TNFSF4: variants seen among roughly 807,000 people sequenced by gnomAD.
The protein encoded by TNFSF4 is tumor necrosis factor ligand superfamily member 4.
A neutral mutation model predicts 7.3 loss-of-function variants in TNFSF4; 4 were observed. The observed-to-expected ratio is 0.55, with a 90% CI of 0.27 to 1.25. The LOEUF (loss-of-function observed/expected upper bound fraction) is 1.25. TNFSF4 is among the 50% of genes most tolerant of loss of function. TNFSF4 has a pLI of 0.12. For missense variants in TNFSF4, 181 were observed against 208.8 expected (o/e 0.87, Z 0.82); for synonymous variants, 76 against 83.7 (o/e 0.91, Z 0.50).
chr1:173,365,898 A>G, the TNFSF4 span, among the ~76,000 whole-genome samples: 1 of 152,240 alleles, frequency 6.6e-6, no homozygotes, highest in African/African-American at 2.4e-5. Flanking sequence ...ATTGGTATGC[A>G]TAAGATATGC....
the TNFSF4 span, among the ~76,000 whole-genome samples, chr1:173,388,090 G>C: frequency 6.6e-6 from 1 of 152,196 alleles, no homozygotes; most frequent in Admixed American, 6.5e-5. Flanking sequence ...GATTACATAA[G>C]AGAAAACATC....
At chr1:173,420,648 A>T in the TNFSF4 span, among the ~76,000 whole-genome samples, 1 of 152,248 alleles carries the variant, frequency 6.6e-6, no homozygotes, top group South Asian at 2.1e-4. Flanking sequence ...AAAGAAAAGA[A>T]AGTAAACACT....
the TNFSF4 span, among the ~76,000 whole-genome samples, chr1:173,413,608 G>A: frequency 6.6e-6 from 1 of 152,286 alleles, no homozygotes; most frequent in East Asian, 1.9e-4. Flanking sequence ...GCAGGCCAGT[G>A]TTCACAGGGT....
chr1:173,347,994 G>T, the TNFSF4 span, among the ~76,000 whole-genome samples: 3 of 152,182 alleles, frequency 2.0e-5, no homozygotes, highest in Non-Finnish European at 4.4e-5. Flanking sequence ...CTGGCCTAAG[G>T]TGTAACTTGG....
the TNFSF4 span, among the ~76,000 whole-genome samples, chr1:173,428,984 G>T: frequency 1.3e-5 from 2 of 151,836 alleles, no homozygotes; most frequent in Non-Finnish European, 2.9e-5. Flanking sequence ...TCCAGCCTGG[G>T]TGACAGAGCA....
chr1:173,418,904 C>A, the TNFSF4 span, among the ~76,000 whole-genome samples: 1 of 152,226 alleles, frequency 6.6e-6, no homozygotes, highest in Admixed American at 6.5e-5. Flanking sequence ...ATGTGACCCC[C>A]AAATTTCATG....
chr1:173,436,517 C>T, the TNFSF4 span, among the ~76,000 whole-genome samples: 1 of 152,216 alleles, frequency 6.6e-6, no homozygotes, highest in African/African-American at 2.4e-5. Flanking sequence ...TCAAGCAACT[C>T]TCCTGCCTCA....
chr1:173,199,350 G>A (rs1649843731), intron 1 of TNFSF4, among the ~76,000 whole-genome samples: 1 of 152,212 alleles, frequency 6.6e-6, no homozygotes, highest in Non-Finnish European at 1.5e-5. Context: ...TGGAAATAGG[G>A]TCTTTGTAGA....
At chr1:173,363,135 C>A in the TNFSF4 span, 1 of 328,882 alleles carries the variant, frequency 3.0e-6, no homozygotes, top group East Asian at 8.1e-5. Flanking sequence ...ATTTTTCTTT[C>A]TGCAAGGGCC....
the TNFSF4 span, among the ~76,000 whole-genome samples, chr1:173,306,808 C>T: frequency 6.6e-6 from 1 of 151,888 alleles, no homozygotes; most frequent in African/African-American, 2.4e-5. Flanking sequence ...ATTCAAGCTT[C>T]CTTGTCAGGC....
At chr1:173,230,727 T>C in the TNFSF4 span, among the ~76,000 whole-genome samples, 2 of 151,648 alleles carry the variant, frequency 1.3e-5, no homozygotes, top group African/African-American at 4.9e-5. Context: ...ATAGACACAA[T>C]AAAAAATGAT....
the TNFSF4 span, among the ~76,000 whole-genome samples, chr1:173,400,248 A>C: frequency 6.6e-6 from 1 of 152,200 alleles, no homozygotes; most frequent in South Asian, 2.1e-4. Context: ...TCTTTTGAAG[A>C]CTCAATTATA....
the TNFSF4 span, among the ~76,000 whole-genome samples, chr1:173,265,053 A>G: frequency 2.0e-5 from 3 of 152,290 alleles, no homozygotes; most frequent in East Asian, 5.8e-4. Context: ...CAAACAAAAA[A>G]CCTTAAGAAG....
At chr1:173,189,606 A>G (rs1649387212) in intron 1 of TNFSF4, among the ~76,000 whole-genome samples, 1 of 152,202 alleles carries the variant, frequency 6.6e-6, no homozygotes, top group Admixed American at 6.5e-5. Flanking sequence ...AAAAGAACAA[A>G]TAAGCTCAAT....
At chr1:173,395,020 A>C in the TNFSF4 span, among the ~76,000 whole-genome samples, 1 of 130,320 alleles carries the variant, frequency 7.7e-6, no homozygotes, top group African/African-American at 2.8e-5. Context: ...AGATAGATAG[A>C]TAGATAGATA....
the TNFSF4 span, among the ~76,000 whole-genome samples, chr1:173,233,891 G>A: frequency 6.6e-6 from 1 of 152,094 alleles, no homozygotes; most frequent in Non-Finnish European, 1.5e-5. Flanking sequence ...GCATGGGCAA[G>A]GACTTCATGT....
chr1:173,362,401 T>C, the TNFSF4 span: 2 of 439,290 alleles, frequency 4.6e-6, no homozygotes, highest in African/African-American at 4.1e-5. Flanking sequence ...TCCAGAAGAA[T>C]GGCTGTTGCT....
chr1:173,340,900 T>G, the TNFSF4 span, among the ~76,000 whole-genome samples: 1 of 152,180 alleles, frequency 6.6e-6, no homozygotes, highest in Non-Finnish European at 1.5e-5. Context: ...CATCTTGAAT[T>G]GTAGTTCCCA....
At chr1:173,393,632 A>G in the TNFSF4 span, among the ~76,000 whole-genome samples, 2 of 152,258 alleles carry the variant, frequency 1.3e-5, no homozygotes, top group Non-Finnish European at 2.9e-5. Context: ...TTGCAAGAGC[A>G]GCATTTCTTA....
Sources: allele counts gnomAD v4.1 joint callset (sites outside exome capture counted in the v4.1 genomes callset), GRCh38; gene constraint gnomAD v4.1.1; transcripts MANE v1.5; gene names NCBI Gene and HGNC (gene_info 2026-07-23, HGNC 2026-07-21).